Variants in MYCBP observed in about 807,000 individuals in gnomAD.
The protein encoded by MYCBP is MYC binding protein.
Under a neutral mutation model 16.8 loss-of-function variants are expected in MYCBP, and 5 were observed. The ratio of observed to expected loss-of-function variants is 0.30; its 90% CI spans 0.16 to 0.63. The LOEUF (loss-of-function observed/expected upper bound fraction) is 0.63. Among genes scored for constraint, MYCBP ranks in the 20% least tolerant of loss-of-function variants. MYCBP has a pLI of 0.83. For synonymous variants in MYCBP, 35 were observed against 43.7 expected, an observed-to-expected ratio of 0.80 and a Z score of 0.79; for missense variants, 103 against 121.8, an observed-to-expected ratio of 0.85 and a Z score of 0.73.
At chr1:38,870,169 C>CAA (rs1221257996) in intron 2 of MYCBP, among the ~76,000 whole-genome samples, 10,364 of 76,868 alleles carry the variant, frequency 0.13, 788 homozygotes, top group Non-Finnish European at 0.17. Context: ...GACTCCGTCT[C>CAA]AAAAAAAAAA....
At chr1:38,871,423 G>A (rs1642464113) in intron 2 of MYCBP, among the ~76,000 whole-genome samples, 1 of 127,520 alleles carries the variant, frequency 7.8e-6, no homozygotes, top group Non-Finnish European at 1.7e-5. Context: ...CATCCCACCT[G>A]TCACTTTTTT....
chr1:38,864,539 A>G lies in MYCBP; in HGVS notation c.*131T>C. 1 of 924,450 alleles carries G rather than the reference A, an allele frequency of 1.1e-6. No homozygotes were observed. The highest frequency in any genetic ancestry group is 1.5e-5 in the South Asian group (1 of 67,344). The allele number at this position is 924,450 out of a possible 1,614,324, so 57.3% of individuals were successfully genotyped here. A position where few individuals can be genotyped will look rare whatever the true frequency, so the allele number is the denominator to read the frequency against. On this transcript the variant is annotated 3_prime_UTR_variant, in exon 5 of 5. Transcript: ENST00000397572. ...TTATTGATGATTCTATGTGTTTTTA[A>G]CAGAGTGTGATAGGTGAATTAAACA...
chr1:38,865,663 A>T (rs1022212986), intron 4 of MYCBP, among the ~76,000 whole-genome samples: 1 of 152,122 alleles, frequency 6.6e-6, no homozygotes, highest in Non-Finnish European at 1.5e-5. Flanking sequence ...TTAGCCGAGC[A>T]TGGTGGCAAA....
chr1:38,867,035 T>A, intron 3 of MYCBP, 26 bp from the exon 4 acceptor site: 3 of 1,592,918 alleles, frequency 1.9e-6, no homozygotes, highest in Non-Finnish European at 2.6e-6. Flanking sequence ...AGAACTTACT[T>A]CTTAGACATG....
chr1:38,866,070 CAG>C (rs1642330952), intron 4 of MYCBP, among the ~76,000 whole-genome samples: 1 of 9,342 alleles, frequency 1.1e-4, no homozygotes, highest in African/African-American at 9.5e-4. Flanking sequence ...TTTTTTGAGA[CAG>C]AGTTTCATTC....
intron 2 of MYCBP, among the ~76,000 whole-genome samples, chr1:38,871,024 G>A (rs886854927): frequency 6.6e-6 from 1 of 152,088 alleles, no homozygotes; most frequent in African/African-American, 2.4e-5. Flanking sequence ...CGGATCACCT[G>A]AGGTAAGGAG....
At chr1:38,872,866 G>C (rs994348187) in intron 2 of MYCBP, 152 bp downstream of exon 2, 1 of 841,700 alleles carries the variant, frequency 1.2e-6, no homozygotes, top group African/African-American at 1.7e-5. Context: ...CCAGCAGCCA[G>C]GTCCCTGCTG....
At chr1:38,871,427 CTTTTTTT>C (rs71573793) in intron 2 of MYCBP, among the ~76,000 whole-genome samples, 21 of 110,606 alleles carry the variant, frequency 1.9e-4, no homozygotes, top group Non-Finnish European at 2.7e-4. Context: ...CCACCTGTCA[CTTTTTTT>C]TTTTTTTTTT....
intron 2 of MYCBP, among the ~76,000 whole-genome samples, chr1:38,868,799 A>G (rs1464198573): frequency 2.6e-5 from 4 of 152,042 alleles, no homozygotes; most frequent in African/African-American, 4.8e-5. Context: ...CCAGCTACTC[A>G]GGAGGCTGAG....
chr1:38,868,682 G>C (rs539339816), intron 2 of MYCBP, among the ~76,000 whole-genome samples: 1 of 152,270 alleles, frequency 6.6e-6, no homozygotes, highest in East Asian at 1.9e-4. Flanking sequence ...AAGGCGGGCA[G>C]ATCACGAAGT....
chr1:38,872,050 C>T (rs756130119), intron 2 of MYCBP, among the ~76,000 whole-genome samples: 1 of 152,150 alleles, frequency 6.6e-6, no homozygotes, highest in Non-Finnish European at 1.5e-5. Context: ...TTATCTGAAC[C>T]CCAAATAGGT....
chr1:38,867,329 C>T (rs1642362417), intron 3 of MYCBP, among the ~76,000 whole-genome samples: 1 of 151,840 alleles, frequency 6.6e-6, no homozygotes, highest in Non-Finnish European at 1.5e-5. Flanking sequence ...ACCTGTAATC[C>T]CAGCTACTTG....
intron 4 of MYCBP, among the ~76,000 whole-genome samples, chr1:38,865,371 G>C (rs1039765665): frequency 1.3e-5 from 2 of 152,152 alleles, no homozygotes; most frequent in African/African-American, 4.8e-5. Flanking sequence ...TCACAAAGTT[G>C]TTGAGAAGAT....
intron 4 of MYCBP, among the ~76,000 whole-genome samples, chr1:38,866,341 C>G (rs970680192): frequency 6.6e-6 from 1 of 151,912 alleles, no homozygotes; most frequent in Non-Finnish European, 1.5e-5. Context: ...AGCCACCGCA[C>G]CCAGCCAGAA....
At position 38,864,309 on chromosome 1, in the gene MYCBP, C is replaced by T; in HGVS notation, c.*361G>A. 1 of 276,498 alleles carries T rather than the reference C, an allele frequency of 3.6e-6. No individual in the cohort carries two copies. The highest frequency in any genetic ancestry group is 9.8e-5 in the East Asian group (1 of 10,218). The allele number at this position is 276,498 out of a possible 1,614,324, so 17.1% of individuals were successfully genotyped here. ...GTGTCACCTTCAAAGAATGACTGTACCTGTGTTCATATCCTGAACTGCACC... is the reference window on the plus strand; with the variant it reads ...GTGTCACCTTCAAAGAATGACTGTATCTGTGTTCATATCCTGAACTGCACC... On this transcript the variant is annotated 3_prime_UTR_variant, in exon 5 of 5. Coordinates refer to ENST00000397572, the MANE Select transcript of MYCBP (RefSeq NM_012333.5).
intron 2 of MYCBP, 27 bp downstream of exon 2, chr1:38,872,991 A>C: frequency 1.9e-6 from 3 of 1,557,850 alleles, no homozygotes; most frequent in Non-Finnish European, 2.6e-6. Context: ...CGAGGGCACG[A>C]GGTACCCTCT....
In MYCBP at chr1:38,863,512, C is replaced by T. The variant is rs1226000741; in HGVS notation, c.*1158G>A. On this transcript the variant is annotated 3_prime_UTR_variant, in exon 5 of 5. Coordinates refer to ENST00000397572, the MANE Select transcript of MYCBP (RefSeq NM_012333.5). ...AGGACTAACAAACAAGAATATAGTG[C>T]TTTACCATTTACAAATCTTTCACAT... The T allele has an allele frequency of 6.6e-6, 1 of 152,524 alleles. No individual in the cohort carries two copies. Among genetic ancestry groups the T allele is most frequent in the Non-Finnish European group, 1.5e-5 (1 of 68,020 alleles). 9.4% of individuals were successfully genotyped at this position (152,524 alleles called of 1,614,324 possible). A position where few individuals can be genotyped will look rare whatever the true frequency, so the allele number is the denominator to read the frequency against.
rs1642275984 is a variant in MYCBP, at chr1:38,863,221, C to T, written c.*1449G>A. The stretch of plus-strand genomic sequence containing the variant: ...GGCACCAGCCATAGCCACATTCCTA[C>T]TAACAGGGCTGATTTAAATGCCCTT... On this transcript the variant is annotated 3_prime_UTR_variant, in exon 5 of 5. Transcript: ENST00000397572. The T allele has an allele frequency of 6.6e-6, 1 of 152,226 alleles. No individual in the cohort carries two copies. 9.4% of individuals were successfully genotyped at this position (152,226 alleles called of 1,614,324 possible).
In MYCBP at chr1:38,864,482, C is replaced by G; in HGVS notation, c.*188G>C. ...TCAGGATTTACTTTGGATTCTCCTG[C>G]TTTAAGACCCAAAGAAAGTTATATT... On this transcript the variant is annotated 3_prime_UTR_variant, in exon 5 of 5. Transcript: ENST00000397572. 2 of 642,276 alleles carry G rather than the reference C, an allele frequency of 3.1e-6. No homozygotes were observed. Among genetic ancestry groups the G allele is most frequent in the Non-Finnish European group, 2.7e-6 (1 of 371,850 alleles). The allele number at this position is 642,276 out of a possible 1,614,324, so 39.8% of individuals were successfully genotyped here. A position where few individuals can be genotyped will look rare whatever the true frequency, so the allele number is the denominator to read the frequency against.
Sources: allele counts gnomAD v4.1 joint callset (sites outside exome capture counted in the v4.1 genomes callset), GRCh38; gene constraint gnomAD v4.1.1; transcripts MANE v1.5; gene names NCBI Gene and HGNC (gene_info 2026-07-23, HGNC 2026-07-21).